Variants in SH3KBP1 observed in about 807,000 individuals in gnomAD.
The protein encoded by SH3KBP1 is SH3 domain-containing kinase-binding protein 1.
A neutral mutation model predicts 50.1 loss-of-function variants in SH3KBP1; 8 were observed. The observed-to-expected ratio is 0.16, with a 90% CI of 0.09 to 0.29. The LOEUF is 0.29. SH3KBP1 is among the 10% of genes least tolerant of loss of function. The pLI, the probability that SH3KBP1 is intolerant of heterozygous loss-of-function variation, is 1.00. For missense variants in SH3KBP1, 377 were observed against 535.2 expected, an observed-to-expected ratio of 0.70 and a Z score of 2.92; for synonymous variants, 227 against 218.6, an observed-to-expected ratio of 1.04 and a Z score of -0.34.
rs921125651 is a variant in SH3KBP1 at position 19,772,947 on chromosome X, T to A, written c.163-26506A>T. Among the ~76,000 whole-genome samples the A allele has an allele frequency of 5.4e-5, 6 of 111,676 alleles. No individual in the cohort carries two copies. In the East Asian group the frequency reaches 1.7e-3, roughly 31 times the overall value. ...AACTTGTAAGAAACCATATGTGGCA[T>A]TGACCCAGGCCAGTGTGCTCCATCT... On this transcript the variant is annotated intron_variant, in intron 2 of 17. Transcript: ENST00000397821.
intron 12 of SH3KBP1, among the ~76,000 whole-genome samples, chrX:19,572,061 T>C (rs2066025645): frequency 9.0e-6 from 1 of 110,511 alleles, no homozygotes; most frequent in African/African-American, 3.3e-5. Flanking sequence ...AGCTGGAAGC[T>C]TCCAATCAAA....
chrX:19,597,461 G>A (rs992578158), intron 9 of SH3KBP1, among the ~76,000 whole-genome samples: 10 of 111,195 alleles, frequency 9.0e-5, no homozygotes, highest in East Asian at 2.8e-4. Flanking sequence ...TCACTCTGTC[G>A]CCCAGGCTGG....
intron 1 of SH3KBP1, among the ~76,000 whole-genome samples, chrX:19,864,023 G>C (rs1016424798): frequency 2.7e-5 from 3 of 110,688 alleles, no homozygotes; most frequent in Non-Finnish European, 5.7e-5. Flanking sequence ...GCTGCTACCA[G>C]TCATCCTAAC....
intron 5 of SH3KBP1, among the ~76,000 whole-genome samples, chrX:19,685,875 A>G (rs2063152878): frequency 9.0e-6 from 1 of 111,572 alleles, no homozygotes; most frequent in Admixed American, 9.5e-5. Flanking sequence ...CACCACCAGA[A>G]GGCAGCAGGG....
rs781271632 is a variant in SH3KBP1 at position 19,879,396 on chromosome X, G to A, written c.4+7911C>T. 1.7e-3 allele frequency among the ~76,000 whole-genome samples: 191 copies of A among 111,679 alleles called. 2 individuals are homozygous for A. Among genetic ancestry groups the A allele is most frequent in the African/African-American group, 5.9e-3 (182 of 30,737 alleles). On this transcript the variant is annotated intron_variant, in intron 1 of 17. Transcript: ENST00000397821. ...AAGGCAGTTGGGTTCTACCACTAGG[G>A]GACCATTGTCACTCTGCCTCTCTGA... is the stretch of plus-strand genomic sequence containing the variant.
intron 2 of SH3KBP1, among the ~76,000 whole-genome samples, chrX:19,800,518 C>A (rs1232368393): frequency 8.9e-6 from 1 of 111,984 alleles, no homozygotes; most frequent in Non-Finnish European, 1.9e-5. Context: ...TACTTCTAGT[C>A]GTATATTTAG....
chrX:19,788,139 C>T (rs925863373), intron 2 of SH3KBP1, among the ~76,000 whole-genome samples: 14 of 109,252 alleles, frequency 1.3e-4, no homozygotes, highest in African/African-American at 4.0e-4. Flanking sequence ...AGCTGTGGCT[C>T]ACGCCTGTAA....
At chrX:19,775,502 A>T (rs148784338) in intron 2 of SH3KBP1, among the ~76,000 whole-genome samples, 1 of 112,024 alleles carries the variant, frequency 8.9e-6, no homozygotes, top group African/African-American at 3.2e-5. Flanking sequence ...TGTATCTTAC[A>T]CTCACGTGCC....
chrX:19,688,463 A>G (rs1424488729), intron 5 of SH3KBP1, among the ~76,000 whole-genome samples: 1 of 112,209 alleles, frequency 8.9e-6, no homozygotes, highest in African/African-American at 3.2e-5. Flanking sequence ...GTCAAATGTC[A>G]AATTATCTTT....
intron 13 of SH3KBP1, among the ~76,000 whole-genome samples, chrX:19,563,233 G>A (rs2065737861): frequency 8.9e-6 from 1 of 112,134 alleles, no homozygotes; most frequent in African/African-American, 3.2e-5. Flanking sequence ...AAGTGGAGAT[G>A]CTCATTTTAC....
intron 1 of SH3KBP1, among the ~76,000 whole-genome samples, chrX:19,852,652 AAAAAAT>A (rs202094833): frequency 1.8e-5 from 2 of 108,776 alleles, no homozygotes; most frequent in African/African-American, 6.8e-5. Context: ...AAAAAAAAAA[AAAAAAT>A]CCACGAACAT....
intron 1 of SH3KBP1, among the ~76,000 whole-genome samples, chrX:19,872,252 CAAAAAAAAA>C (rs67033348): frequency 5.3e-5 from 2 of 37,967 alleles, no homozygotes; most frequent in Non-Finnish European, 9.2e-5. Context: ...AACTTCATCT[CAAAAAAAAA>C]AAAAAAAAAA....
At chrX:19,753,010 T>C (rs2065109515) in intron 2 of SH3KBP1, among the ~76,000 whole-genome samples, 2 of 111,892 alleles carry the variant, frequency 1.8e-5, no homozygotes, top group South Asian at 7.4e-4. Context: ...CCACCTCAGC[T>C]GTTTTCCCCC....
intron 1 of SH3KBP1, among the ~76,000 whole-genome samples, chrX:19,874,068 A>AATATATATAT (rs1412019430): frequency 3.5e-5 from 2 of 57,033 alleles, no homozygotes; most frequent in African/African-American, 3.2e-4. Context: ...AAAAAAAAAA[A>AATATATATAT]ATATATATAT....
chrX:19,555,995 TTC>T (rs901210707), intron 13 of SH3KBP1, among the ~76,000 whole-genome samples: 2 of 112,196 alleles, frequency 1.8e-5, no homozygotes, highest in African/African-American at 6.5e-5. Context: ...GCTATGGCTT[TTC>T]TCTCTGTTTC....
chrX:19,781,148 T>C (rs926188153), intron 2 of SH3KBP1, among the ~76,000 whole-genome samples: 2 of 111,317 alleles, frequency 1.8e-5, no homozygotes, highest in African/African-American at 6.5e-5. Context: ...GCTCATAATA[T>C]ATTAAGTGGA....
chrX:19,883,278 C>T (rs2069494017), intron 1 of SH3KBP1, among the ~76,000 whole-genome samples: 1 of 112,530 alleles, frequency 8.9e-6, no homozygotes, highest in Admixed American at 9.4e-5. Flanking sequence ...CTCTGAGAAG[C>T]GCTGCATTAG....
At chrX:19,838,059 A>AAACAAC (rs60326622) in intron 1 of SH3KBP1, among the ~76,000 whole-genome samples, 75 of 100,705 alleles carry the variant, frequency 7.4e-4, no homozygotes, top group Middle Eastern at 4.9e-3. Flanking sequence ...CAAATGAGTA[A>AAACAAC]AACAACAACA....
intron 8 of SH3KBP1, among the ~76,000 whole-genome samples, chrX:19,609,561 A>G (rs2067346714): frequency 8.9e-6 from 1 of 112,020 alleles, no homozygotes; most frequent in East Asian, 2.8e-4. Context: ...TGACAGAGAA[A>G]GAGAGGAGAT....
Sources: gnomAD v4.1 joint callset for allele counts (sites outside exome capture counted in the v4.1 genomes callset) on GRCh38, gnomAD v4.1.1 for gene constraint, MANE v1.5 for transcripts, NCBI Gene and HGNC (gene_info 2026-07-23, HGNC 2026-07-21) for gene names.